The following TRMT9B variants were observed in gnomAD, a reference collection of about 807,000 sequenced individuals.
TRMT9B encodes the protein tRNA methyltransferase 9B (putative), also known as probable tRNA methyltransferase 9B.
TRMT9B carries 16 observed loss-of-function variants against 11.5 expected under a neutral mutation model. The ratio of observed to expected loss-of-function variants is 1.39; its 90% CI spans 0.94 to 2.11. The LOEUF (loss-of-function observed/expected upper bound fraction) is 2.11. TRMT9B is among the 30% of genes most tolerant of loss of function. TRMT9B has a pLI of 0.00. For synonymous variants in TRMT9B, 274 were observed against 192.4 expected (o/e 1.42, Z -3.51); for missense variants, 941 against 553.8 (o/e 1.70, Z -7.02).
intron 1 of TRMT9B, chr8:12,960,561 G>C (rs1375260524): frequency 1.3e-5 from 2 of 152,170 alleles, no homozygotes; most frequent in Non-Finnish European, 2.9e-5. Context: ...CAACCAAGAT[G>C]TCCTTCAATA....
At chr8:12,977,761 T>A (rs1481944811) in intron 1 of TRMT9B, among the ~76,000 whole-genome samples, 1 of 151,804 alleles carries the variant, frequency 6.6e-6, no homozygotes, top group Non-Finnish European at 1.5e-5. Context: ...ATGTCTGTAA[T>A]CTCAACACTT....
intron 4 of TRMT9B, 140 bp downstream of exon 4, chr8:13,012,997 C>G (rs1013911874): frequency 4.5e-6 from 5 of 1,111,178 alleles, no homozygotes; most frequent in African/African-American, 1.6e-5. Context: ...ATTGTTTCAA[C>G]TACTTGACTG....
At chr8:13,015,329 G>C (rs543497831) in intron 4 of TRMT9B, among the ~76,000 whole-genome samples, 1 of 151,066 alleles carries the variant, frequency 6.6e-6, no homozygotes, top group African/African-American at 2.4e-5. Context: ...TACATGTCTC[G>C]CCTCCCTAAC....
At chr8:12,995,169 C>G (rs557316225) in intron 2 of TRMT9B, among the ~76,000 whole-genome samples, 1 of 152,160 alleles carries the variant, frequency 6.6e-6, no homozygotes, top group African/African-American at 2.4e-5. Flanking sequence ...CAATACAACT[C>G]TAGACTTTCT....
At chr8:13,002,472 T>A (rs1454743498) in intron 2 of TRMT9B, among the ~76,000 whole-genome samples, 4 of 152,220 alleles carry the variant, frequency 2.6e-5, no homozygotes, top group African/African-American at 9.6e-5. Context: ...TAAATTTCAG[T>A]TGAAGGTGCA....
chr8:13,010,932 T>C, intron 3 of TRMT9B: 1 of 914,172 alleles, frequency 1.1e-6, no homozygotes, highest in Non-Finnish European at 1.3e-6. Flanking sequence ...AGAAATAATA[T>C]CATAGAAATA....
At position 13,024,885 on chromosome 8, in the gene TRMT9B, A is replaced by G. The variant is rs538573007; in HGVS notation, c.*2841A>G. ...GTAGTCACATGGAAAGCTCTTTTAA[A>G]TTTAACTTCCGCCTTTGGATTTTTT... On this transcript the variant is annotated 3_prime_UTR_variant, in exon 5 of 5. Transcript: ENST00000524591. The G allele has an allele frequency of 1.2e-5, 2 of 167,088 alleles. No individual in the cohort carries two copies. The highest frequency in any genetic ancestry group is 2.4e-5 in the African/African-American group (1 of 41,560). The allele number at this position is 167,088 out of a possible 1,614,324, so 10.4% of individuals were successfully genotyped here. A position where few individuals can be genotyped will look rare whatever the true frequency, so the allele number is the denominator to read the frequency against.
intron 2 of TRMT9B, among the ~76,000 whole-genome samples, chr8:12,991,820 A>G (rs1807387393): frequency 6.6e-6 from 1 of 151,788 alleles, no homozygotes; most frequent in South Asian, 2.1e-4. Context: ...AATCCCAACT[A>G]CTCGGGAGGC....
At chr8:12,989,588 C>A in intron 1 of TRMT9B, among the ~76,000 whole-genome samples, 1 of 152,156 alleles carries the variant, frequency 6.6e-6, no homozygotes, top group Non-Finnish European at 1.5e-5. Context: ...GGTGGCTTAT[C>A]TGAGGGGTCT....
rs1810433158 is a variant in TRMT9B at position 13,006,233 on chromosome 8, C to T, written c.31C>T (p.Gln11Ter). 6.2e-7 allele frequency: 1 copy of T among 1,613,976 alleles called. No homozygotes were observed. MDHEAAQLEK[Q>*]HVHNVYESTA... ...TCATGAAGCCGCCCAGCTGGAGAAG[C>T]AGCATGTGCACAATGTGTACGAGAG... The change falls in exon 3 of 5, where the codon CAG (glutamine) becomes TAG (stop). Residue 11 changes from glutamine (Q) to a stop codon, truncating the protein, a stop_gained. Coordinates refer to ENST00000524591, the MANE Select transcript of TRMT9B (RefSeq NM_020844.3). LOFTEE classifies it high-confidence loss of function.
Position 13,027,493 on chromosome 8 carries a change from A to G in TRMT9B, c.*5449A>G, listed in dbSNP as rs1814826945. 2 of 167,098 alleles carry G rather than the reference A, an allele frequency of 1.2e-5. No homozygotes were observed. Among genetic ancestry groups the G allele is most frequent in the African/African-American group, 4.8e-5 (2 of 41,478 alleles). 10.4% of individuals were successfully genotyped at this position (167,098 alleles called of 1,614,324 possible). ...ATAATATGTCTTACAGAATAAATGCAGACTCCTTTGGATGGCATTCAGGCC... is the reference window on the plus strand; with the variant it reads ...ATAATATGTCTTACAGAATAAATGCGGACTCCTTTGGATGGCATTCAGGCC... On this transcript the variant is annotated 3_prime_UTR_variant, in exon 5 of 5. Coordinates refer to ENST00000524591, the MANE Select transcript of TRMT9B (RefSeq NM_020844.3).
intron 1 of TRMT9B, among the ~76,000 whole-genome samples, chr8:12,972,983 C>G (rs1379622073): frequency 6.6e-6 from 1 of 152,106 alleles, no homozygotes; most frequent in East Asian, 1.9e-4. Flanking sequence ...AACACTAAGC[C>G]CCTTTTACCC....
intron 1 of TRMT9B, among the ~76,000 whole-genome samples, chr8:12,971,286 CT>C (rs1563333698): frequency 2.7e-5 from 4 of 147,766 alleles, no homozygotes; most frequent in African/African-American, 1.0e-4. Flanking sequence ...TTTGATATTT[CT>C]TTATTTCTAA....
chr8:12,999,240 A>C (rs900734842), intron 2 of TRMT9B, among the ~76,000 whole-genome samples: 2 of 149,148 alleles, frequency 1.3e-5, no homozygotes, highest in African/African-American at 5.0e-5. Flanking sequence ...CGGAGGTTGC[A>C]GTGAGCCAAG....
chr8:12,997,034 G>A (rs1016449722), intron 2 of TRMT9B, among the ~76,000 whole-genome samples: 97 of 142,284 alleles, frequency 6.8e-4, no homozygotes, highest in African/African-American at 2.5e-3. Context: ...CTATCTATGG[G>A]CTCATGTTTT....
chr8:12,984,449 A>T (rs1018135994), intron 1 of TRMT9B, among the ~76,000 whole-genome samples: 2 of 152,222 alleles, frequency 1.3e-5, no homozygotes, highest in African/African-American at 2.4e-5. Context: ...GTTGAAAACC[A>T]TGATCTTCAT....
chr8:13,002,548 A>G (rs1228877282), intron 2 of TRMT9B, among the ~76,000 whole-genome samples: 1 of 152,194 alleles, frequency 6.6e-6, no homozygotes, highest in African/African-American at 2.4e-5. Context: ...ATACTCAGTT[A>G]GGAGTTTGCT....
chr8:13,010,828 T>C (rs1811448580), intron 3 of TRMT9B: 1 of 982,842 alleles, frequency 1.0e-6, no homozygotes, highest in Non-Finnish European at 1.2e-6. Context: ...AATTTTAAAA[T>C]ACTTTGTGAA....
intron 2 of TRMT9B, among the ~76,000 whole-genome samples, chr8:12,994,410 A>G (rs1807964264): frequency 6.6e-6 from 1 of 152,238 alleles, no homozygotes; most frequent in African/African-American, 2.4e-5. Flanking sequence ...CAATACCTTC[A>G]TGCCTGCATG....
Sources: allele counts gnomAD v4.1 joint callset (sites outside exome capture counted in the v4.1 genomes callset), GRCh38; gene constraint gnomAD v4.1.1; transcripts MANE v1.5; gene names NCBI Gene and HGNC (gene_info 2026-07-23, HGNC 2026-07-21).